Variants in ZNF254 observed in about 807,000 individuals in gnomAD.
The protein encoded by ZNF254 is zinc finger protein 254, also known as CTD-2017D11.1.
ZNF254 carries 10 observed loss-of-function variants against 12.4 expected under a neutral mutation model. The ratio of observed to expected loss-of-function variants is 0.80; its 90% confidence interval spans 0.50 to 1.36. The LOEUF (loss-of-function observed/expected upper bound fraction) is 1.36, where lower values mean the gene tolerates loss of function less well. Ranked by LOEUF, ZNF254 falls within the 40% of genes most tolerant of loss-of-function variation. The probability of loss-of-function intolerance (pLI) is 0.00; values close to 1 mark genes in which losing one functional copy is unlikely to be tolerated. For missense variants in ZNF254, 996 were observed against 763.9 expected, an observed-to-expected ratio of 1.30 and a Z score of -3.58; for synonymous variants, 305 against 253.4, an observed-to-expected ratio of 1.20 and a Z score of -1.93.
At chr19:24,103,257 G>A (rs1372477543) in intron 1 of ZNF254, among the ~76,000 whole-genome samples, 1 of 152,162 alleles carries the variant, frequency 6.6e-6, no homozygotes, top group African/African-American at 2.4e-5. Flanking sequence ...GCTCTGTGCT[G>A]TACCTCATTT....
intron 3 of ZNF254, among the ~76,000 whole-genome samples, chr19:24,118,012 C>T (rs1393585425): frequency 6.6e-6 from 1 of 150,770 alleles, no homozygotes; most frequent in African/African-American, 2.4e-5. Flanking sequence ...TATGTGCATC[C>T]TTGTTTTCCA....
chr19:24,072,848 GA>G (rs1971528922), intron 2 of ZNF254, among the ~76,000 whole-genome samples: 1 of 152,124 alleles, frequency 6.6e-6, no homozygotes, highest in Non-Finnish European at 1.5e-5. Context: ...CCCTACCCTG[GA>G]AAAATTGTGA....
chr19:24,095,871 G>T (rs2145716267), intron 1 of ZNF254, among the ~76,000 whole-genome samples: 1 of 151,676 alleles, frequency 6.6e-6, no homozygotes, highest in Admixed American at 6.6e-5. Context: ...TTCTGATTTT[G>T]GTTATTTCTT....
At chr19:24,070,143 A>G (rs1241707581) in intron 2 of ZNF254, among the ~76,000 whole-genome samples, 1 of 152,178 alleles carries the variant, frequency 6.6e-6, no homozygotes, top group African/African-American at 2.4e-5. Flanking sequence ...ACTCTCCTAT[A>G]TTGATCAGCC....
intron 3 of ZNF254, among the ~76,000 whole-genome samples, chr19:24,116,890 G>C (rs1191811552): frequency 1.3e-5 from 2 of 152,130 alleles, no homozygotes; most frequent in Non-Finnish European, 2.9e-5. Context: ...TGTCCTTTCT[G>C]TTTGTTAGTT....
upstream of ZNF254, among the ~76,000 whole-genome samples, chr19:24,084,187 T>A (rs1039563747): frequency 1.4e-5 from 2 of 147,998 alleles, no homozygotes; most frequent in African/African-American, 4.9e-5. Flanking sequence ...AATATATTTA[T>A]AATAATATAT....
intron 3 of ZNF254, among the ~76,000 whole-genome samples, chr19:24,113,174 C>A (rs1488441468): frequency 6.6e-6 from 1 of 152,192 alleles, no homozygotes; most frequent in African/African-American, 2.4e-5. Flanking sequence ...CTCCCTAACT[C>A]ATTTTATGAG....
In ZNF254 at chr19:24,127,175, C is replaced by A. The variant is rs1457532083; in HGVS notation, c.1175C>A (p.Thr392Asn). 3 of 1,613,388 alleles carry A rather than the reference C, an allele frequency of 1.9e-6. No individual in the cohort carries two copies. Among genetic ancestry groups the A allele is most frequent in the Middle Eastern group, 1.7e-4 (1 of 6,058 alleles). Residue 392 changes from threonine to asparagine, a missense_variant, in exon 4 of 4, where the codon ACT (threonine) becomes AAT (asparagine). Thr to Asn is a moderately conservative substitution (Grantham distance 65, BLOSUM62 0). Coordinates refer to ENST00000357002, the MANE Select transcript of ZNF254 (RefSeq NM_203282.4). ...GGCAAAGCTTTTAAGCAACTCTCAA[C>A]TCTTACTACACATAAAATAATTCAT... The part of the protein sequence containing the change: ...ECGKAFKQLS[T>N]LTTHKIIHVG...
chr19:24,101,665 G>A (rs1379996626), intron 1 of ZNF254, among the ~76,000 whole-genome samples: 1 of 152,210 alleles, frequency 6.6e-6, no homozygotes. Context: ...AGGTTCTGCA[G>A]CTCCACCAGG....
rs972884232 is a variant in ZNF254 at position 24,121,538 on chromosome 19, G to A, written c.254-4716G>A. Among the ~76,000 whole-genome samples the A allele has an allele frequency of 5.3e-5, 8 of 152,010 alleles. No individual in the cohort carries two copies. The East Asian group carries it at 1.5e-3, about 29-fold the overall frequency. On this transcript the variant is annotated intron_variant, in intron 3 of 3. Transcript: ENST00000357002. ...CCAGTAGAATTATATCTGTTTGTTT[G>A]CCTGTATAAATGTTATCTTTTTTAA... is the stretch of plus-strand genomic sequence containing the variant.
chr19:24,107,298 A>G (rs1973406031), intron 3 of ZNF254: 1 of 575,646 alleles, frequency 1.7e-6, no homozygotes, highest in Admixed American at 3.5e-5. Flanking sequence ...TTTGGATAAT[A>G]TGGCAGTTTC....
Position 24,127,790 on chromosome 19 carries a change from C to G in ZNF254, c.1790C>G (p.Thr597Ser). ...TTTACTAAACATAAGGTAATTCATA[C>G]TGGAGTAAAACCCTACAAATGTGAA... ...STFTKHKVIH[T>S]GVKPYKCEEC... The change falls in exon 4 of 4, where the codon ACT becomes AGT. Residue 597 changes from threonine to serine, a missense_variant. By Grantham distance (58) the Thr-to-Ser change is moderately conservative. Coordinates refer to ENST00000357002, the MANE Select transcript of ZNF254 (RefSeq NM_203282.4). 6.2e-7 allele frequency: 1 copy of G among 1,612,630 alleles called. No homozygotes were observed. Among genetic ancestry groups the G allele is most frequent in the Non-Finnish European group, 8.5e-7 (1 of 1,179,520 alleles).
chr19:24,042,801 A>G (rs547887168), intron 1 of ZNF254, among the ~76,000 whole-genome samples: 2 of 152,286 alleles, frequency 1.3e-5, no homozygotes, highest in Non-Finnish European at 2.9e-5. Context: ...TTATGGGCCC[A>G]TCTGTGCATT....
intron 2 of ZNF254, among the ~76,000 whole-genome samples, chr19:24,077,606 T>C (rs1971703873): frequency 6.6e-6 from 1 of 152,234 alleles, no homozygotes; most frequent in Non-Finnish European, 1.5e-5. Flanking sequence ...GTCTATCTTA[T>C]AACTGTTGAA....
chr19:24,042,435 CTT>C (rs1464013134), intron 1 of ZNF254, among the ~76,000 whole-genome samples: 2 of 152,218 alleles, frequency 1.3e-5, no homozygotes, highest in African/African-American at 2.4e-5. Flanking sequence ...TTCTTTAACT[CTT>C]TGCAGTAAAT....
chr19:24,126,155 G>T, intron 3 of ZNF254, 99 bp from the exon 4 acceptor site: 1 of 811,326 alleles, frequency 1.2e-6, no homozygotes, highest in East Asian at 3.1e-5. Flanking sequence ...ATGCTATCTT[G>T]TCTATGTAGT....
chr19:24,088,857 A>G (rs185909791), intron 1 of ZNF254, among the ~76,000 whole-genome samples: 1 of 147,760 alleles, frequency 6.8e-6, no homozygotes, highest in Non-Finnish European at 1.5e-5. Flanking sequence ...GGGCTTCACT[A>G]TGTTGTCCAG....
intron 2 of ZNF254, among the ~76,000 whole-genome samples, chr19:24,062,103 G>GA (rs59581798): frequency 1.5e-5 from 2 of 137,314 alleles, no homozygotes; most frequent in African/African-American, 5.4e-5. Context: ...AAAAAAAAAA[G>GA]AAAAAGAAAA....
At chr19:24,120,065 C>G (rs1974376042) in intron 3 of ZNF254, among the ~76,000 whole-genome samples, 1 of 152,100 alleles carries the variant, frequency 6.6e-6, no homozygotes, top group African/African-American at 2.4e-5. Flanking sequence ...TTATTGGTCA[C>G]AGTTTCATGT....
Sources: allele counts gnomAD v4.1 joint callset (sites outside exome capture counted in the v4.1 genomes callset), GRCh38; gene constraint gnomAD v4.1.1; transcripts MANE v1.5; gene names NCBI Gene and HGNC (gene_info 2026-07-23, HGNC 2026-07-21).